The following ZNF592 variants were observed in gnomAD, a reference collection of about 807,000 sequenced individuals.
The protein encoded by ZNF592 is spinocerebellar ataxia, autosomal recessive 5.
A neutral mutation model predicts 80.3 loss-of-function variants in ZNF592; 11 were observed. The ratio of observed to expected loss-of-function variants is 0.14; its 90% CI spans 0.09 to 0.23. The LOEUF is 0.23. ZNF592 is among the 10% of genes least tolerant of loss of function. The pLI, the probability that ZNF592 is intolerant of heterozygous loss-of-function variation, is 1.00. For synonymous variants in ZNF592, 646 were observed against 640.3 expected, an observed-to-expected ratio of 1.01 and a Z score of -0.13; for missense variants, 1,420 against 1,633.9, an observed-to-expected ratio of 0.87 and a Z score of 2.26.
At position 84,760,967 on chromosome 15, in the gene ZNF592, GT is replaced by G. The variant is rs1029608381; in HGVS notation, c.-258-3727del. ...CTAATATGGTAGGCTACAGGAAGAAGTTTTTTTTTTTTTAGGACAGAGTTTC... is the reference window on the plus strand; with the variant it reads ...CTAATATGGTAGGCTACAGGAAGAAGTTTTTTTTTTTTAGGACAGAGTTTC... On this transcript the variant is annotated intron_variant, in intron 1 of 10. Coordinates refer to ENST00000560079, the MANE Select transcript of ZNF592 (RefSeq NM_014630.3). Among the ~76,000 whole-genome samples, 809 of 144,986 alleles carry G rather than the reference GT, an allele frequency of 5.6e-3. 6 individuals are homozygous for G. The highest frequency in any genetic ancestry group is 0.024 in the East Asian group (116 of 4,934).
At position 84,783,040 on chromosome 15, in the gene ZNF592, G is replaced by A; in HGVS notation, c.365G>A (p.Ser122Asn). The A allele has an allele frequency of 6.2e-7, 1 of 1,614,170 alleles. No homozygotes were observed. The highest frequency in any genetic ancestry group is 8.5e-7 in the Non-Finnish European group (1 of 1,180,030). The change falls in exon 4 of 11, where the codon AGT becomes AAT. Residue 122 changes from serine (S) to asparagine (N), a missense_variant. Coordinates refer to ENST00000560079, the MANE Select transcript of ZNF592 (RefSeq NM_014630.3). The surrounding 1 kb of genome is among the most constrained non-coding windows in gnomAD (Gnocchi z 5.0). ...TTTATGAATGGAGACAGTGCCAGGA[G>A]TTTCCCTGGCAAACTGGAGCCTCCC... ...STFMNGDSAR[S>N]FPGKLEPPKS...
intron 1 of ZNF592, 23 bp from the exon 2 acceptor site, chr15:84,764,684 T>A (rs1239356447): frequency 5.0e-6 from 2 of 398,696 alleles, no homozygotes; most frequent in East Asian, 3.6e-5. Flanking sequence ...TTAAAAAAAA[T>A]TTTGTTTTTC....
rs541692328 is a variant in ZNF592, at chr15:84,771,105, G to A, written c.-150+6290G>A. Among the ~76,000 whole-genome samples, 35 of 152,204 alleles carry A rather than the reference G, an allele frequency of 2.3e-4. No individual in the cohort carries two copies. The South Asian group carries it at 6.0e-3, about 26-fold the overall frequency. On this transcript the variant is annotated intron_variant, in intron 2 of 10. Coordinates refer to ENST00000560079, the MANE Select transcript of ZNF592 (RefSeq NM_014630.3). ...GAGCAGTGACAACTCACCTGCCATGGGGAGCCAGGTGTGTTAGGTCACGGA... is the reference window on the plus strand; with the variant it reads ...GAGCAGTGACAACTCACCTGCCATGAGGAGCCAGGTGTGTTAGGTCACGGA...
chr15:84,776,206 C>A (rs1962248065), intron 2 of ZNF592, among the ~76,000 whole-genome samples: 1 of 152,216 alleles, frequency 6.6e-6, no homozygotes, highest in Non-Finnish European at 1.5e-5. Flanking sequence ...GCTCTGTAGG[C>A]CAGGCCATGG....
chr15:84,794,750 T>C (rs983799018), intron 5 of ZNF592, among the ~76,000 whole-genome samples: 4 of 152,208 alleles, frequency 2.6e-5, no homozygotes, highest in African/African-American at 7.2e-5. Flanking sequence ...GTGCTGGGAT[T>C]ACAGACGTGA....
rs150498705 is a variant in ZNF592 at position 84,787,057 on chromosome 15, G to C, written c.2220+2162G>C. Among the ~76,000 whole-genome samples the C allele has an allele frequency of 4.6e-5, 7 of 152,072 alleles. No individual in the cohort carries two copies. In the East Asian group the frequency reaches 1.4e-3, roughly 29 times the overall value. On this transcript the variant is annotated intron_variant, in intron 4 of 10. Coordinates refer to ENST00000560079, the MANE Select transcript of ZNF592 (RefSeq NM_014630.3). Reference sequence around the variant, plus strand: ...GTAGAGATGGAGTTTTGCCATGTTTGCCCAGGCCGGTCTTGAACTTCGGAC... The same window carrying C: ...GTAGAGATGGAGTTTTGCCATGTTTCCCCAGGCCGGTCTTGAACTTCGGAC...
At chr15:84,790,596 G>T in intron 4 of ZNF592, 109 bp from the exon 5 acceptor site, 1 of 1,090,924 alleles carries the variant, frequency 9.2e-7, no homozygotes, top group Non-Finnish European at 1.4e-6. Context: ...GAGAGTGGTT[G>T]GGGGAAGGGG....
At chr15:84,753,706 C>T (rs535964563) in intron 1 of ZNF592, among the ~76,000 whole-genome samples, 1 of 152,320 alleles carries the variant, frequency 6.6e-6, no homozygotes, top group South Asian at 2.1e-4. Context: ...CTCCTGACCT[C>T]AAATGATCCG....
At chr15:84,759,797 C>A (rs934032101) in intron 1 of ZNF592, among the ~76,000 whole-genome samples, 1 of 152,180 alleles carries the variant, frequency 6.6e-6, no homozygotes, top group Non-Finnish European at 1.5e-5. Flanking sequence ...TCAGTTCCTG[C>A]AGTGAATGTT....
intron 2 of ZNF592, among the ~76,000 whole-genome samples, chr15:84,767,269 G>A (rs553322616): frequency 1.1e-4 from 17 of 151,998 alleles, no homozygotes; most frequent in African/African-American, 1.7e-4. Flanking sequence ...CAGGCGATCC[G>A]CCCGCCTCGG....
At position 84,783,341 on chromosome 15, in the gene ZNF592, G is replaced by A. The variant is rs757924796; in HGVS notation, c.666G>A (p.Gly222=). The part of the protein sequence containing the change: ...LGSQQEHEQS[G]QNTVEPHKDP... ...GCCAGCAGGAACACGAGCAAAGTGG[G>A]CAGAACACAGTGGAACCTCACAAGG... Residue 222 remains glycine, a synonymous_variant, in exon 4 of 11, where the codon GGG becomes GGA. Transcript: ENST00000560079. This position sits in a 1 kb window ranked among gnomAD's most constrained non-coding sequence, Gnocchi z 5.0. The A allele has an allele frequency of 1.3e-5, 21 of 1,614,100 alleles. No individual in the cohort carries two copies. In the African/African-American group the frequency reaches 1.9e-4, roughly 14 times the overall value.
At position 84,797,929 on chromosome 15, in the gene ZNF592, G is replaced by A. The variant is rs760284913; in HGVS notation, c.2460G>A (p.Glu820=). ...TLALLKSHIQ[E]RHCQVFHKCA... ...CCTTGCTGAAAAGCCACATCCAGGA[G>A]CGACACTGCCAGGTTTTCCACAAAT... Residue 820 remains glutamate (E), a synonymous_variant, in exon 6 of 11, where the codon GAG becomes GAA. Coordinates refer to ENST00000560079, the MANE Select transcript of ZNF592 (RefSeq NM_014630.3). 2 of 1,614,120 alleles carry A rather than the reference G, an allele frequency of 1.2e-6. No individual in the cohort carries two copies. The highest frequency in any genetic ancestry group is 1.3e-5 in the African/African-American group (1 of 74,932).
intron 1 of ZNF592, among the ~76,000 whole-genome samples, chr15:84,749,068 C>G (rs552020669): frequency 2.2e-4 from 34 of 152,312 alleles, no homozygotes; most frequent in African/African-American, 8.2e-4. Flanking sequence ...GCCCGACCGT[C>G]CCCGCCGCCC....
intron 4 of ZNF592, among the ~76,000 whole-genome samples, chr15:84,785,268 C>G (rs891289): frequency 0.84 from 128,180 of 152,094 alleles, 54,458 homozygotes; most frequent in African/African-American, 0.96. Flanking sequence ...ACAGAGATAG[C>G]TGAGTCACTG....
At chr15:84,801,257 A>G (rs1191425692) in intron 10 of ZNF592, among the ~76,000 whole-genome samples, 1 of 151,956 alleles carries the variant, frequency 6.6e-6, no homozygotes, top group East Asian at 1.9e-4. Context: ...CTCTGAGGTA[A>G]GACTGCAGTG....
intron 4 of ZNF592, 110 bp from the exon 5 acceptor site, chr15:84,790,595 T>TGGGGGAA: frequency 9.2e-7 from 1 of 1,089,188 alleles, no homozygotes; most frequent in Non-Finnish European, 1.4e-6. Context: ...AGAGAGTGGT[T>TGGGGGAA]GGGGGAAGGG....
chr15:84,779,994 T>G (rs1272701099), intron 3 of ZNF592, among the ~76,000 whole-genome samples: 2 of 150,696 alleles, frequency 1.3e-5, no homozygotes, highest in Admixed American at 6.6e-5. Context: ...GTTTTGTTTT[T>G]TTTTTTTTTT....
chr15:84,789,665 T>C (rs1003128434), intron 4 of ZNF592, among the ~76,000 whole-genome samples: 2 of 152,248 alleles, frequency 1.3e-5, no homozygotes, highest in Non-Finnish European at 2.9e-5. Context: ...GTTTAAATGT[T>C]GTCATGGCTC....
chr15:84,766,003 C>CTTTTTTTTTTTTTTTTTTTTTT (rs527253414), intron 2 of ZNF592, among the ~76,000 whole-genome samples: 1 of 143,924 alleles, frequency 6.9e-6, no homozygotes, highest in Non-Finnish European at 1.5e-5. Flanking sequence ...ATTCATGGTC[C>CTTTTTTTTTTTTTTTTTTTTTT]TTTTTTTTTT....
Sources: allele counts gnomAD v4.1 joint callset (sites outside exome capture counted in the v4.1 genomes callset), GRCh38; gene constraint gnomAD v4.1.1; non-coding constraint Gnocchi (gnomAD v3.1); transcripts MANE v1.5; gene names NCBI Gene and HGNC (gene_info 2026-07-23, HGNC 2026-07-21).